Variants in SNX29 observed in about 807,000 individuals in gnomAD.
SNX29 encodes sorting nexin 29.
Under a neutral mutation model 102.1 loss-of-function variants are expected in SNX29, and 78 were observed. That is an observed-to-expected ratio of 0.76 (90% CI 0.64 to 0.92). The LOEUF is 0.92. Among genes scored for constraint, SNX29 ranks in the 40% least tolerant of loss-of-function variants. The pLI, the probability that SNX29 is intolerant of heterozygous loss-of-function variation, is 0.00. For synonymous variants in SNX29, 580 were observed against 414.5 expected, an observed-to-expected ratio of 1.40 and a Z score of -4.85; for missense variants, 1,280 against 1,061.7, an observed-to-expected ratio of 1.21 and a Z score of -2.86.
intron 14 of SNX29, among the ~76,000 whole-genome samples, chr16:12,271,626 C>CTTTT (rs112723702): frequency 6.9e-6 from 1 of 144,644 alleles, no homozygotes; most frequent in African/African-American, 2.5e-5. Context: ...TTGGAACCAT[C>CTTTT]TTTTTTTTTT....
chr16:12,289,106 T>A (rs903064479), intron 15 of SNX29, among the ~76,000 whole-genome samples: 1 of 152,198 alleles, frequency 6.6e-6, no homozygotes, highest in African/African-American at 2.4e-5. Flanking sequence ...GGAAACAGAT[T>A]CTAGCTGGCG....
At chr16:12,146,130 A>G (rs1224279155) in intron 13 of SNX29, among the ~76,000 whole-genome samples, 2 of 152,146 alleles carry the variant, frequency 1.3e-5, no homozygotes, top group East Asian at 3.9e-4. Context: ...CTCGATTTGC[A>G]TTGCAGCTGC....
intron 20 of SNX29, among the ~76,000 whole-genome samples, chr16:12,552,874 G>A (rs1597964314): frequency 6.6e-6 from 1 of 152,346 alleles, no homozygotes; most frequent in African/African-American, 2.4e-5. Context: ...AGGGCCTGGG[G>A]AGACATGGAC....
At chr16:12,141,739 A>C (rs190481413) in intron 13 of SNX29, among the ~76,000 whole-genome samples, 31 of 152,322 alleles carry the variant, frequency 2.0e-4, no homozygotes, top group Admixed American at 1.5e-3. Flanking sequence ...ATTAGCACAT[A>C]ATGAGCAGTG....
intron 15 of SNX29, among the ~76,000 whole-genome samples, chr16:12,326,921 A>G (rs2081137946): frequency 6.6e-6 from 1 of 152,086 alleles, no homozygotes; most frequent in Non-Finnish European, 1.5e-5. Flanking sequence ...GGCATTTGGG[A>G]AAGACTGGAT....
chr16:12,461,994 T>G (rs2086812232), intron 18 of SNX29, among the ~76,000 whole-genome samples: 1 of 64,488 alleles, frequency 1.6e-5, no homozygotes, highest in Non-Finnish European at 2.7e-5. Context: ...TATATATATA[T>G]ATATATATAT....
rs34808071 is a variant in SNX29 at position 12,139,193 on chromosome 16, T to TAA, written c.1595+9463_1595+9464dup. Among the ~76,000 whole-genome samples, 59 of 66,150 alleles carry TAA rather than the reference T, an allele frequency of 8.9e-4. 2 individuals carry two copies. The highest frequency in any genetic ancestry group is 1.7e-3 in the African/African-American group (25 of 15,044). 43.4% of individuals were successfully genotyped at this position (66,150 alleles called of 152,430 possible). On this transcript the variant is annotated intron_variant, in intron 13 of 20. Coordinates refer to ENST00000566228, the MANE Select transcript of SNX29 (RefSeq NM_032167.5). ...GAGCCTGGGCGATAGAGCGAGACTC[T>TAA]AAAAAAAAAAAAAAAAAAAAAAAAA...
rs1567437168 is a variant in SNX29, at chr16:12,322,840, G to GTGGT, written c.1783-33323_1783-33322insTGGT. Among the ~76,000 whole-genome samples, 944 of 152,026 alleles carry GTGGT rather than the reference G, an allele frequency of 6.2e-3. 38 individuals are homozygous for GTGGT. The highest frequency in any genetic ancestry group is 0.021 in the African/African-American group (868 of 41,436). On this transcript the variant is annotated intron_variant, in intron 15 of 20. Coordinates refer to ENST00000566228, the MANE Select transcript of SNX29 (RefSeq NM_032167.5). ...AATCACTGATGACCACTGTCAGGAT[G>GTGGT]CGGTCACTAGGGGACCACTGTCAGG...
chr16:12,467,048 C>G, intron 18 of SNX29, among the ~76,000 whole-genome samples: 1 of 152,184 alleles, frequency 6.6e-6, no homozygotes, highest in East Asian at 1.9e-4. Flanking sequence ...AAGGAAAAGG[C>G]AGTGGCCAGT....
chr16:12,387,710 C>T (rs375947761), intron 16 of SNX29, among the ~76,000 whole-genome samples: 2 of 152,078 alleles, frequency 1.3e-5, no homozygotes, highest in East Asian at 1.9e-4. Flanking sequence ...TGTTGAGGCC[C>T]GAGTCTACTT....
At position 12,435,200 on chromosome 16, in the gene SNX29, C is replaced by T. The variant is rs1027166947; in HGVS notation, c.2037+31671C>T. Among the ~76,000 whole-genome samples the T allele has an allele frequency of 2.0e-5, 3 of 152,324 alleles. No individual in the cohort carries two copies. The East Asian group carries it at 5.8e-4, about 29-fold the overall frequency. On this transcript the variant is annotated intron_variant, in intron 18 of 20. Coordinates refer to ENST00000566228, the MANE Select transcript of SNX29 (RefSeq NM_032167.5). Reference sequence around the variant, plus strand: ...TTTCTTCCTCTGTCTCCTCCCGTTTCCCTCTATTCCTCCCATCCCAAGAAA... The same window carrying T: ...TTTCTTCCTCTGTCTCCTCCCGTTTTCCTCTATTCCTCCCATCCCAAGAAA...
At position 12,129,833 on chromosome 16, in the gene SNX29, G is replaced by A. The variant is rs143105175; in HGVS notation, c.1595+75G>A. 2.0e-4 allele frequency: 290 copies of A among 1,471,714 alleles called. 3 individuals carry two copies. The African/African-American group carries it at 3.3e-3, about 17-fold the overall frequency. 91.2% of individuals were successfully genotyped at this position (1,471,714 alleles called of 1,614,324 possible). A position where few individuals can be genotyped will look rare whatever the true frequency, so the allele number is the denominator to read the frequency against. On this transcript the variant is annotated intron_variant, in intron 13 of 20. Coordinates refer to ENST00000566228, the MANE Select transcript of SNX29 (RefSeq NM_032167.5). ...AACCTGAGCATACTGGGCCGGGCAC[G>A]GTGGCTCATGCCTGTAATCCCAGCA...
At chr16:12,432,591 G>C (rs754781889) in intron 18 of SNX29, among the ~76,000 whole-genome samples, 8 of 152,218 alleles carry the variant, frequency 5.3e-5, no homozygotes, top group Non-Finnish European at 1.0e-4. Flanking sequence ...CTATGTATAA[G>C]AGCAGCAACG....
At chr16:12,161,299 C>T (rs956762756) in intron 13 of SNX29, among the ~76,000 whole-genome samples, 5 of 152,310 alleles carry the variant, frequency 3.3e-5, no homozygotes, top group East Asian at 1.9e-4. Context: ...TTCTTTGCCC[C>T]GAGGCGCAGC....
At chr16:11,980,360 C>T (rs1210646745) in intron 1 of SNX29, among the ~76,000 whole-genome samples, 1 of 152,140 alleles carries the variant, frequency 6.6e-6, no homozygotes, top group Non-Finnish European at 1.5e-5. Context: ...CTTTTTGTGG[C>T]CACATTATAT....
At position 12,113,937 on chromosome 16, in the gene SNX29, G is replaced by A. The variant is rs748584947; in HGVS notation, c.1403-12696G>A. Reference sequence around the variant, plus strand: ...GAAGGATTCTAGAAGATGAGCTTGTGTAACCTCCGCATTTTGTAGATGTAA... The same window carrying A: ...GAAGGATTCTAGAAGATGAGCTTGTATAACCTCCGCATTTTGTAGATGTAA... On this transcript the variant is annotated intron_variant, in intron 11 of 20. Coordinates refer to ENST00000566228, the MANE Select transcript of SNX29 (RefSeq NM_032167.5). Among the ~76,000 whole-genome samples, 9 of 152,226 alleles carry A rather than the reference G, an allele frequency of 5.9e-5. 1 individual carries two copies. Among genetic ancestry groups the A allele is most frequent in the Non-Finnish European group, 1.3e-4 (9 of 68,042 alleles).
At chr16:12,553,511 TCA>T (rs1474861168) in intron 20 of SNX29, among the ~76,000 whole-genome samples, 1 of 152,094 alleles carries the variant, frequency 6.6e-6, no homozygotes, top group African/African-American at 2.4e-5. Context: ...ACACTTGCCA[TCA>T]CAGTGCTGGA....
intron 11 of SNX29, among the ~76,000 whole-genome samples, chr16:12,118,162 C>G (rs770893214): frequency 1.3e-5 from 2 of 152,088 alleles, no homozygotes; most frequent in South Asian, 4.1e-4. Flanking sequence ...TCTCACTAGC[C>G]AAGTAAGCCT....
intron 20 of SNX29, among the ~76,000 whole-genome samples, chr16:12,529,802 C>G (rs529697068): frequency 6.6e-6 from 1 of 152,206 alleles, no homozygotes; most frequent in African/African-American, 2.4e-5. Context: ...CACACCCTGA[C>G]CTGTGCACTG....
Sources: gnomAD v4.1 joint callset for allele counts (sites outside exome capture counted in the v4.1 genomes callset) on GRCh38, gnomAD v4.1.1 for gene constraint, MANE v1.5 for transcripts, NCBI Gene and HGNC (gene_info 2026-07-23, HGNC 2026-07-21) for gene names.